Variants in MYRF observed in about 807,000 individuals in gnomAD.
MYRF encodes myelin gene regulatory factor.
In MYRF, 16 loss-of-function variants were observed where a neutral mutation model predicts 126.3. The observed-to-expected ratio is 0.13, with a 90% CI of 0.09 to 0.19. The LOEUF is 0.19. Ranked by LOEUF, MYRF falls within the 10% of genes least tolerant of loss-of-function variation. The pLI is 1.00. For synonymous variants in MYRF, 608 were observed against 635.3 expected (o/e 0.96, Z 0.65); for missense variants, 1,104 against 1,547.0 (o/e 0.71, Z 4.80).
chr11:61,765,673 T>A lies in MYRF; in HGVS notation c.95T>A (p.Ile32Asn), dbSNP rs1159545796. The A allele has an allele frequency of 6.2e-7, 1 of 1,612,964 alleles. No individual in the cohort carries two copies. Among genetic ancestry groups the A allele is most frequent in the African/African-American group, 1.3e-5 (1 of 74,870 alleles). ...ALEPSNIDTS[I>N]LEEYISKEDA... ...GAGCCCTCCAACATAGACACCAGCA[T>A]CCTGGAGGAGTACATCAGCAAGGAG... Residue 32 changes from isoleucine (I) to asparagine (N), a missense_variant, in exon 2 of 27, where the codon ATC becomes AAC. Coordinates refer to ENST00000278836, the MANE Select transcript of MYRF (RefSeq NM_001127392.3).
Position 61,777,551 on chromosome 11 carries a change from G to T in MYRF, c.1791+87G>T. The T allele has an allele frequency of 2.7e-6, 4 of 1,467,562 alleles. No homozygotes were observed. The highest frequency in any genetic ancestry group is 3.7e-6 in the Non-Finnish European group (4 of 1,083,652). The allele number at this position is 1,467,562 out of a possible 1,614,324, so 90.9% of individuals were successfully genotyped here. ...GCTCCTGGGGAGGGGGCGTGACTACGCGGAAAGGCGGAGCTGCGGGGGAAG... is the reference window on the plus strand; with the variant it reads ...GCTCCTGGGGAGGGGGCGTGACTACTCGGAAAGGCGGAGCTGCGGGGGAAG... On this transcript the variant is annotated intron_variant, in intron 12 of 26. Transcript: ENST00000278836. The surrounding 1 kb of genome is among the most constrained non-coding windows in gnomAD (Gnocchi z 8.8).
rs174529 is a variant in MYRF at position 61,776,489 on chromosome 11, T to C, written c.1499+57T>C. The C allele has an allele frequency of 0.37, 531,319 of 1,447,332 alleles. 103,859 individuals carry two copies. Among genetic ancestry groups the C allele is most frequent in the Admixed American group, 0.63 (34,197 of 54,046 alleles). 89.7% of individuals were successfully genotyped at this position (1,447,332 alleles called of 1,614,324 possible). A position where few individuals can be genotyped will look rare whatever the true frequency, so the allele number is the denominator to read the frequency against. On this transcript the variant is annotated intron_variant, in intron 10 of 26. Transcript: ENST00000278836. This position sits in a 1 kb window ranked among gnomAD's most constrained non-coding sequence, Gnocchi z 4.3. The stretch of plus-strand genomic sequence containing the variant: ...CTCCATTTCTGAGGCAGGAAGACAC[T>C]GCCCTGGGTGGCACACCAGGCACAG...
At chr11:61,784,593 C>A (rs1013034630) in intron 25 of MYRF, 3 of 567,142 alleles carry the variant, frequency 5.3e-6, no homozygotes, top group Non-Finnish European at 9.5e-6. Context: ...GAGCATCTCC[C>A]AGCCCTGCCG....
intron 7 of MYRF, among the ~76,000 whole-genome samples, chr11:61,772,196 G>C (rs1263078685): frequency 6.6e-6 from 1 of 152,150 alleles, no homozygotes; most frequent in Non-Finnish European, 1.5e-5. Flanking sequence ...GGGAGAAGTG[G>C]GCAGATGGGT....
Position 61,766,213 on chromosome 11 carries a change from T to C in MYRF, c.390T>C (p.Tyr130=). ...TCAAGGCTGAGCCCAAGGCTCCCTATGCCCCAGGGTGAGTAAGGGCAGGGA... is the reference window on the plus strand; with the variant it reads ...TCAAGGCTGAGCCCAAGGCTCCCTACGCCCCAGGGTGAGTAAGGGCAGGGA... ...PPIKAEPKAP[Y]APGTLPDSPP... is the part of the protein sequence containing the mutation. Residue 130 remains tyrosine, a synonymous_variant, in exon 3 of 27, where the codon TAT becomes TAC. Transcript: ENST00000278836. 6.2e-7 allele frequency: 1 copy of C among 1,605,304 alleles called. No homozygotes were observed. Among genetic ancestry groups the C allele is most frequent in the Non-Finnish European group, 8.5e-7 (1 of 1,177,346 alleles).
In MYRF at chr11:61,778,298, C is replaced by A; in HGVS notation, c.1904-82C>A. The A allele has an allele frequency of 1.1e-6, 1 of 944,218 alleles. No individual in the cohort carries two copies. The highest frequency in any genetic ancestry group is 1.7e-6 in the Non-Finnish European group (1 of 573,898). The allele number at this position is 944,218 out of a possible 1,614,324, so 58.5% of individuals were successfully genotyped here. On this transcript the variant is annotated intron_variant, in intron 13 of 26. Transcript: ENST00000278836. This position sits in a 1 kb window ranked among gnomAD's most constrained non-coding sequence, Gnocchi z 4.6. ...GTTCCAGAACTTCACCCTCTCCAGTCTTGCTCCCACTGTACATTACAAAGC... is the reference window on the plus strand; with the variant it reads ...GTTCCAGAACTTCACCCTCTCCAGTATTGCTCCCACTGTACATTACAAAGC...
chr11:61,785,996 C>T lies in MYRF; in HGVS notation c.3376-67C>T, dbSNP rs1039813957. On this transcript the variant is annotated intron_variant, in intron 26 of 26. Coordinates refer to ENST00000278836, the MANE Select transcript of MYRF (RefSeq NM_001127392.3). ...CTGGGGGCACAGTGTCAAGCAATGT[C>T]AGCAGGGAGTGCCATCTGCCCCGCA... 9 of 1,561,908 alleles carry T rather than the reference C, an allele frequency of 5.8e-6. 1 individual carries two copies. The Middle Eastern group carries it at 6.7e-4, about 116-fold the overall frequency.
At chr11:61,755,819 G>T in intron 1 of MYRF, 1 of 465,684 alleles carries the variant, frequency 2.1e-6, no homozygotes, top group Admixed American at 2.4e-5. Flanking sequence ...AAGCAGGTGG[G>T]TGTGCAGGGA....
At chr11:61,771,076 G>C (rs1301918846) in intron 5 of MYRF, among the ~76,000 whole-genome samples, 1 of 152,230 alleles carries the variant, frequency 6.6e-6, no homozygotes, top group Non-Finnish European at 1.5e-5. Context: ...CCCCTTCCCT[G>C]GTTTTTGTGG....
At chr11:61,779,122 G>T in intron 14 of MYRF, 141 bp from the exon 15 acceptor site, 1 of 911,976 alleles carries the variant, frequency 1.1e-6, no homozygotes, top group Admixed American at 2.6e-5. Flanking sequence ...GCCCGCCCAG[G>T]TAGGGAGACT....
intron 5 of MYRF, among the ~76,000 whole-genome samples, chr11:61,771,293 A>C (rs1477099206): frequency 6.6e-6 from 1 of 152,204 alleles, no homozygotes; most frequent in Non-Finnish European, 1.5e-5. Context: ...GTCTGGGGGA[A>C]GCGAAGAGTG....
At chr11:61,781,425 G>A (rs418817) in intron 21 of MYRF, 96 bp downstream of exon 21, 2 of 1,551,542 alleles carry the variant, frequency 1.3e-6, no homozygotes, top group Non-Finnish European at 1.7e-6. Context: ...CTGGAGCCTA[G>A]AACGAGGCTC....
chr11:61,781,762 G>T lies in MYRF; in HGVS notation c.2954G>T (p.Arg985Leu). The change falls in exon 22 of 27, where the codon CGC becomes CTC. Residue 985 changes from arginine to leucine, a missense_variant. Around this residue, in one of 10 missense-constraint regions of MYRF, gnomAD observed 323 missense variants for 383.1 expected, o/e 0.84. Transcript: ENST00000278836. Reference sequence around the variant, plus strand: ...AGCCTTGGTTTCCATGGCCGGGCCCGCCGAGGGGCCCTCCAGTCCAGCGTG... The same window carrying T: ...AGCCTTGGTTTCCATGGCCGGGCCCTCCGAGGGGCCCTCCAGTCCAGCGTG... Reference protein sequence around the residue: ...SPSLGFHGRARRGALQSSVGP... With the variant: ...SPSLGFHGRALRGALQSSVGP... 2 of 1,610,748 alleles carry T rather than the reference G, an allele frequency of 1.2e-6. No homozygotes were observed. Among genetic ancestry groups the T allele is most frequent in the Non-Finnish European group, 1.7e-6 (2 of 1,178,982 alleles).
intron 1 of MYRF, among the ~76,000 whole-genome samples, chr11:61,761,263 G>GT (rs1555053546): frequency 7.1e-4 from 108 of 151,774 alleles, no homozygotes; most frequent in African/African-American, 2.3e-3. Flanking sequence ...AGCTGGTGGG[G>GT]GGGGGGGCAC....
At chr11:61,762,004 A>G (rs1207466667) in intron 1 of MYRF, among the ~76,000 whole-genome samples, 2 of 152,214 alleles carry the variant, frequency 1.3e-5, no homozygotes, top group African/African-American at 4.8e-5. Context: ...AGGAATTACA[A>G]CGCCCCTGCC....
At chr11:61,762,217 C>G (rs779582251) in intron 1 of MYRF, among the ~76,000 whole-genome samples, 5 of 151,450 alleles carry the variant, frequency 3.3e-5, no homozygotes, top group African/African-American at 1.2e-4. Flanking sequence ...AGGCAGGGGA[C>G]CTGGGGAAGG....
At chr11:61,785,752 G>T in intron 25 of MYRF, 48 bp from the exon 26 acceptor site, 1 of 1,514,028 alleles carries the variant, frequency 6.6e-7, no homozygotes, top group Non-Finnish European at 9.2e-7. Context: ...GATGCTGGTT[G>T]GGATAAGGGC....
Position 61,777,751 on chromosome 11 carries a change from A to G in MYRF, c.1809A>G (p.Gln603=). 1 of 1,551,400 alleles carries G rather than the reference A, an allele frequency of 6.4e-7. No individual in the cohort carries two copies. The highest frequency in any genetic ancestry group is 8.7e-7 in the Non-Finnish European group (1 of 1,146,746). The change falls in exon 13 of 27, where the codon CAA becomes CAG. Residue 603 remains glutamine, a synonymous_variant. Coordinates refer to ENST00000278836, the MANE Select transcript of MYRF (RefSeq NM_001127392.3). The surrounding 1 kb of genome is among the most constrained non-coding windows in gnomAD (Gnocchi z 8.8). ...CCCCGCAGGTGGACACCACCGAGCA[A>G]TTGAAGAGGATCTCGCGCATGCGGC... ...EHVQEVDTTE[Q]LKRISRMRLV...
chr11:61,755,370 G>C (rs1487057578), intron 1 of MYRF: 24 of 1,607,030 alleles, frequency 1.5e-5, no homozygotes, highest in Non-Finnish European at 2.0e-5. Context: ...AGAGAGGCAA[G>C]GCAGCCCAGA....
Sources: allele counts gnomAD v4.1 joint callset (sites outside exome capture counted in the v4.1 genomes callset), GRCh38; gene constraint gnomAD v4.1.1; regional missense constraint gnomAD v4.1.1; non-coding constraint Gnocchi (gnomAD v3.1); transcripts MANE v1.5; gene names NCBI Gene and HGNC (gene_info 2026-07-23, HGNC 2026-07-21).